MGMT: variants seen among roughly 807,000 people sequenced by gnomAD.
The protein encoded by MGMT is O-6-methylguanine-DNA methyltransferase, also known as methylated-DNA--protein-cysteine methyltransferase.
MGMT carries 14 observed loss-of-function variants against 15.9 expected under a neutral mutation model. That is an observed-to-expected ratio of 0.88 (90% confidence interval 0.58 to 1.37). The LOEUF is 1.37. Among genes scored for constraint, MGMT ranks in the 40% most tolerant of loss-of-function variants. The pLI, the probability that MGMT is intolerant of heterozygous loss-of-function variation, is 0.00. For missense variants in MGMT, 282 were observed against 268.1 expected, an observed-to-expected ratio of 1.05 and a Z score of -0.36; for synonymous variants, 130 against 118.2, an observed-to-expected ratio of 1.10 and a Z score of -0.65.
At chr10:129,759,134 T>C (rs955436881) in intron 3 of MGMT, 68 bp from the exon 4 acceptor site, 48 of 1,567,066 alleles carry the variant, frequency 3.1e-5, no homozygotes, top group Non-Finnish European at 3.9e-5. Flanking sequence ...TTGGGACTAG[T>C]GGCTATTTAT....
At chr10:129,512,091 C>G (rs2119700276) in intron 1 of MGMT, among the ~76,000 whole-genome samples, 1 of 152,272 alleles carries the variant, frequency 6.6e-6, no homozygotes, top group East Asian at 1.9e-4. Flanking sequence ...ATGCAGGATG[C>G]TGGAGATGGG....
chr10:129,750,101 AAAG>A (rs1181318549), intron 3 of MGMT, among the ~76,000 whole-genome samples: 1 of 152,038 alleles, frequency 6.6e-6, no homozygotes, highest in Non-Finnish European at 1.5e-5. Flanking sequence ...CTTTTGTAGT[AAAG>A]AAGTTTTTAA....
At chr10:129,671,019 C>T (rs1847716268) in intron 2 of MGMT, among the ~76,000 whole-genome samples, 1 of 152,040 alleles carries the variant, frequency 6.6e-6, no homozygotes, top group African/African-American at 2.4e-5. Context: ...TGTGATAATC[C>T]TCCTTCTGCC....
rs540843872 is a variant in MGMT, at chr10:129,594,546, T to C, written c.125+58169T>C. ...CATCTCTTTCAAATGCCTCGGTACC[T>C]TTCAAAGGGCTTTGGATGGAATGAA... On this transcript the variant is annotated intron_variant, in intron 2 of 4. Transcript: ENST00000651593. Among the ~76,000 whole-genome samples, 13 of 152,300 alleles carry C rather than the reference T, an allele frequency of 8.5e-5. No individual in the cohort carries two copies. The South Asian group carries it at 2.7e-3, about 32-fold the overall frequency.
At chr10:129,711,578 C>G (rs1261788524) in intron 3 of MGMT, among the ~76,000 whole-genome samples, 1 of 152,186 alleles carries the variant, frequency 6.6e-6, no homozygotes, top group Non-Finnish European at 1.5e-5. Flanking sequence ...ATTTCTCGTT[C>G]AAGTGTTGTT....
intron 3 of MGMT, among the ~76,000 whole-genome samples, chr10:129,754,416 C>A (rs1848782713): frequency 6.6e-6 from 1 of 152,158 alleles, no homozygotes; most frequent in Non-Finnish European, 1.5e-5. Context: ...CTCTTCCCAT[C>A]AGAAAGGGAC....
chr10:129,720,071 TTGCTTGCTA>T (rs1276903216), intron 3 of MGMT, among the ~76,000 whole-genome samples: 2 of 152,152 alleles, frequency 1.3e-5, no homozygotes, highest in Non-Finnish European at 2.9e-5. Context: ...CCCTCCGCCC[TTGCTTGCTA>T]TGTGTACGAG....
Position 129,574,065 on chromosome 10 carries a change from A to G in MGMT, c.125+37688A>G, listed in dbSNP as rs1401636785. Among the ~76,000 whole-genome samples, 6 of 152,318 alleles carry G rather than the reference A, an allele frequency of 3.9e-5. No homozygotes were observed. The Middle Eastern group carries it at 0.017, about 432-fold the overall frequency. On this transcript the variant is annotated intron_variant, in intron 2 of 4. Coordinates refer to ENST00000651593, the MANE Select transcript of MGMT (RefSeq NM_002412.5). ...AATAACATATATTCCTATTAAGTTT[A>G]GGGATTGATGGAGCTTGTAATTGTT...
chr10:129,759,188 A>G lies in MGMT; in HGVS notation c.275-14A>G. 6.2e-7 allele frequency: 1 copy of G among 1,614,150 alleles called. No individual in the cohort carries two copies. Among genetic ancestry groups the G allele is most frequent in the Non-Finnish European group, 8.5e-7 (1 of 1,180,010 alleles). Reference sequence around the variant, plus strand: ...GTTTGTCCAAATAACATTATCCTGCATTCTTCCTTTCAGAGTCGTTCACCA... The same window carrying G: ...GTTTGTCCAAATAACATTATCCTGCGTTCTTCCTTTCAGAGTCGTTCACCA... On this transcript the variant is annotated splice_polypyrimidine_tract_variant and intron_variant, in intron 3 of 4. Transcript: ENST00000651593.
rs1425021385 is a variant in MGMT, at chr10:129,769,147, C to T, written c.*2150C>T. On this transcript the variant is annotated 3_prime_UTR_variant, in exon 5 of 5. Transcript: ENST00000651593. ...CTCGGACCATGCCCTTGGTGCAGTA[C>T]AAAACCATGTTCTGCTTCCTCTCCG... The T allele has an allele frequency of 6.6e-6, 1 of 152,288 alleles. No homozygotes were observed. The highest frequency in any genetic ancestry group is 1.5e-5 in the Non-Finnish European group (1 of 68,098). 9.4% of individuals were successfully genotyped at this position (152,288 alleles called of 1,614,324 possible).
intron 2 of MGMT, among the ~76,000 whole-genome samples, chr10:129,548,646 G>T (rs555148660): frequency 6.6e-5 from 10 of 152,224 alleles, no homozygotes; most frequent in Non-Finnish European, 1.2e-4. Flanking sequence ...CCCCTTGTTG[G>T]CTGGTCCTGC....
At chr10:129,746,393 T>C (rs1848696832) in intron 3 of MGMT, among the ~76,000 whole-genome samples, 1 of 151,872 alleles carries the variant, frequency 6.6e-6, no homozygotes, top group African/African-American at 2.4e-5. Flanking sequence ...ACTGTTTGCC[T>C]AACCCCAGGT....
chr10:129,540,898 ATCTGTGC>A (rs1467618331), intron 2 of MGMT, among the ~76,000 whole-genome samples: 1 of 152,210 alleles, frequency 6.6e-6, no homozygotes, highest in East Asian at 1.9e-4. Context: ...ACCTGGAGCC[ATCTGTGC>A]TCTGTGTGGC....
intron 1 of MGMT, among the ~76,000 whole-genome samples, chr10:129,508,351 G>A (rs542326953): frequency 6.6e-6 from 1 of 152,130 alleles, no homozygotes; most frequent in African/African-American, 2.4e-5. Context: ...GAAGGAGGAA[G>A]AGAGGAGTCG....
chr10:129,763,923 G>A (rs1319457791), intron 4 of MGMT, among the ~76,000 whole-genome samples: 3 of 152,180 alleles, frequency 2.0e-5, no homozygotes, highest in African/African-American at 4.8e-5. Context: ...CCACCTGCAT[G>A]TTCCCATGTC....
chr10:129,677,640 T>G (rs896874629), intron 2 of MGMT, among the ~76,000 whole-genome samples: 16 of 152,204 alleles, frequency 1.1e-4, no homozygotes, highest in African/African-American at 3.9e-4. Context: ...GCTCAACACC[T>G]GCCTGCCTCC....
chr10:129,491,795 A>G (rs556549046), intron 1 of MGMT, among the ~76,000 whole-genome samples: 2 of 152,018 alleles, frequency 1.3e-5, no homozygotes, highest in South Asian at 2.1e-4. Context: ...GTACTTTAAT[A>G]TATATTTTAA....
intron 1 of MGMT, among the ~76,000 whole-genome samples, chr10:129,490,769 ATTTCTAATTTATT>A (rs1276599298): frequency 1.3e-5 from 2 of 151,908 alleles, no homozygotes; most frequent in African/African-American, 4.8e-5. Flanking sequence ...TTGTTCCTGT[ATTTCTAATTTATT>A]TTGCTTTCTT....
intron 3 of MGMT, among the ~76,000 whole-genome samples, chr10:129,732,262 G>A (rs11016899): frequency 0.24 from 35,374 of 150,472 alleles, 4,934 homozygotes; most frequent in East Asian, 0.42. Context: ...CCATCTATTC[G>A]TCATTTATAT....
Sources: allele counts gnomAD v4.1 joint callset (sites outside exome capture counted in the v4.1 genomes callset), GRCh38; gene constraint gnomAD v4.1.1; transcripts MANE v1.5; gene names NCBI Gene and HGNC (gene_info 2026-07-23, HGNC 2026-07-21).